LYPLA1: variants seen among roughly 807,000 people sequenced by gnomAD.
LYPLA1 encodes the protein acyl-protein thioesterase 1.
Under a neutral mutation model 34.0 loss-of-function variants are expected in LYPLA1, and 17 were observed. That is an observed-to-expected ratio of 0.50 (90% CI 0.34 to 0.75). The LOEUF (loss-of-function observed/expected upper bound fraction) is 0.75, where lower values mean the gene tolerates loss of function less well. Ranked by LOEUF, LYPLA1 falls within the 30% of genes least tolerant of loss-of-function variation. LYPLA1 has a pLI of 0.01. For synonymous variants in LYPLA1, 98 were observed against 100.8 expected (o/e 0.97, Z 0.17); for missense variants, 203 against 288.8 (o/e 0.70, Z 2.15).
rs554086191 is a variant in LYPLA1, at chr8:54,059,550, C to T, written c.286+2704G>A. Reference sequence around the variant, plus strand: ...CGATCTCCTGACCTCATGATCCACCCGCCTCGGCCTCCCAAAGTGCTGGGA... The same window carrying T: ...CGATCTCCTGACCTCATGATCCACCTGCCTCGGCCTCCCAAAGTGCTGGGA... On this transcript the variant is annotated intron_variant, in intron 5 of 8. Coordinates refer to ENST00000316963, the MANE Select transcript of LYPLA1 (RefSeq NM_006330.4). Among the ~76,000 whole-genome samples the T allele has an allele frequency of 4.1e-4, 30 of 73,232 alleles. 7 individuals are homozygous for T. The highest frequency in any genetic ancestry group is 3.5e-3 in the Admixed American group (22 of 6,242). The allele number at this position is 73,232 out of a possible 152,430, so 48.0% of individuals were successfully genotyped here.
At chr8:54,049,593 T>C (rs1158132520) in intron 8 of LYPLA1, among the ~76,000 whole-genome samples, 1 of 152,112 alleles carries the variant, frequency 6.6e-6, no homozygotes, top group Non-Finnish European at 1.5e-5. Context: ...TGAAAATGGT[T>C]TTCTCCTCTT....
chr8:54,098,294 G>A (rs983085467), intron 2 of LYPLA1, among the ~76,000 whole-genome samples: 5 of 152,086 alleles, frequency 3.3e-5, no homozygotes, highest in Non-Finnish European at 7.4e-5. Flanking sequence ...ACTAACAGAT[G>A]GTGAATGGAT....
intron 2 of LYPLA1, 140 bp from the exon 3 acceptor site, chr8:54,065,953 T>C (rs1273474249): frequency 6.2e-6 from 4 of 640,334 alleles, no homozygotes; most frequent in East Asian, 2.8e-5. Context: ...TGTTTGTTTT[T>C]TGAGATGGCG....
At chr8:54,071,066 A>G (rs1158953925) in intron 2 of LYPLA1, among the ~76,000 whole-genome samples, 2 of 152,248 alleles carry the variant, frequency 1.3e-5, no homozygotes, top group Admixed American at 6.5e-5. Flanking sequence ...GACTGGACCC[A>G]GTCATGAGGA....
At chr8:54,095,532 A>G (rs1168154944) in intron 2 of LYPLA1, among the ~76,000 whole-genome samples, 1 of 152,072 alleles carries the variant, frequency 6.6e-6, no homozygotes, top group Non-Finnish European at 1.5e-5. Flanking sequence ...TTCATATGTT[A>G]TATTTATTAT....
At position 54,101,895 on chromosome 8, in the gene LYPLA1, G is replaced by C. The variant is rs984202860; in HGVS notation, c.-72C>G. ...GGCCGCGGCCCAAGGGCGTGCGAGCGGCGAGTCCCGGCCGGCCCCACCGGG... is the reference window on the plus strand; with the variant it reads ...GGCCGCGGCCCAAGGGCGTGCGAGCCGCGAGTCCCGGCCGGCCCCACCGGG... On this transcript the variant is annotated 5_prime_UTR_variant, in exon 1 of 9. Transcript: ENST00000316963. 1.9e-5 allele frequency: 18 copies of C among 935,738 alleles called. No individual in the cohort carries two copies. The highest frequency in any genetic ancestry group is 8.6e-4 in the Middle Eastern group (2 of 2,330). 58.0% of individuals were successfully genotyped at this position (935,738 alleles called of 1,614,324 possible).
intron 2 of LYPLA1, among the ~76,000 whole-genome samples, chr8:54,085,372 A>G (rs1384822691): frequency 6.6e-6 from 1 of 152,168 alleles, no homozygotes; most frequent in African/African-American, 2.4e-5. Flanking sequence ...TTGGCCTCCC[A>G]AAGTGCCGAG....
At chr8:54,101,017 G>A in intron 1 of LYPLA1, 78 bp from the exon 2 acceptor site, 1 of 1,196,866 alleles carries the variant, frequency 8.4e-7, no homozygotes, top group South Asian at 1.3e-5. Context: ...CTTTGCTTAA[G>A]GTGGAAAACG....
At chr8:54,072,867 C>A (rs546820793) in intron 2 of LYPLA1, among the ~76,000 whole-genome samples, 2 of 149,902 alleles carry the variant, frequency 1.3e-5, no homozygotes, top group Admixed American at 1.3e-4. Flanking sequence ...GTAGTCCCAG[C>A]TACTCAGGAG....
At chr8:54,081,977 G>T (rs1044087760) in intron 2 of LYPLA1, among the ~76,000 whole-genome samples, 14 of 151,852 alleles carry the variant, frequency 9.2e-5, no homozygotes, top group African/African-American at 2.7e-4. Context: ...TGATCCGCCC[G>T]CCTCCACCTC....
chr8:54,079,166 G>T (rs1367247389), intron 2 of LYPLA1, among the ~76,000 whole-genome samples: 1 of 151,970 alleles, frequency 6.6e-6, no homozygotes. Flanking sequence ...TTTCAACAGA[G>T]ATGGGGATTC....
intron 4 of LYPLA1, among the ~76,000 whole-genome samples, chr8:54,062,652 C>T (rs947845474): frequency 6.6e-6 from 1 of 152,150 alleles, no homozygotes; most frequent in African/African-American, 2.4e-5. Flanking sequence ...GCTGGTACTA[C>T]AGGTGCATGC....
chr8:54,045,305 A>T (rs909302065), downstream of LYPLA1, among the ~76,000 whole-genome samples: 1 of 152,266 alleles, frequency 6.6e-6, no homozygotes, highest in African/African-American at 2.4e-5. Flanking sequence ...AAAATGCAGC[A>T]GTAAGAGTGG....
intron 2 of LYPLA1, chr8:54,100,536 C>T (rs10504160): frequency 0.023 from 6,005 of 258,480 alleles, 385 homozygotes; most frequent in African/African-American, 0.13. Flanking sequence ...GCCACTAGTT[C>T]TCTTATCAAA....
At chr8:54,068,823 T>G (rs191416502) in intron 2 of LYPLA1, among the ~76,000 whole-genome samples, 124 of 152,246 alleles carry the variant, frequency 8.1e-4, no homozygotes, top group African/African-American at 2.3e-3. Flanking sequence ...ATAGATAAAT[T>G]AGAAATCATC....
chr8:54,080,494 G>A lies in LYPLA1; in HGVS notation c.102-14681C>T, dbSNP rs569102189. On this transcript the variant is annotated intron_variant, in intron 2 of 8. Coordinates refer to ENST00000316963, the MANE Select transcript of LYPLA1 (RefSeq NM_006330.4). The stretch of plus-strand genomic sequence containing the variant: ...TGGCTGGCCAAGGCAGATGACAGCC[G>A]TATTCCTTTATGTTTACACTTACGA... 2.6e-4 allele frequency among the ~76,000 whole-genome samples: 40 copies of A among 152,272 alleles called. No homozygotes were observed. The South Asian group carries it at 5.0e-3, about 19-fold the overall frequency.
At chr8:54,089,631 T>C (rs549543832) in intron 2 of LYPLA1, among the ~76,000 whole-genome samples, 5 of 150,872 alleles carry the variant, frequency 3.3e-5, no homozygotes, top group African/African-American at 9.7e-5. Flanking sequence ...CCAACCTCTT[T>C]TTTTTTTTTT....
In LYPLA1 at chr8:54,047,237, G is replaced by A. The variant is rs1805537721; in HGVS notation, c.*828C>T. On this transcript the variant is annotated 3_prime_UTR_variant, in exon 9 of 9. Coordinates refer to ENST00000316963, the MANE Select transcript of LYPLA1 (RefSeq NM_006330.4). ...GGTACAGTAATTCGAAATAAGTAGT[G>A]CATGAAGTTTTAATGTCTGGTTTCT... is the stretch of plus-strand genomic sequence containing the variant. 6.6e-6 allele frequency: 1 copy of A among 152,170 alleles called. No homozygotes were observed. The highest frequency in any genetic ancestry group is 1.9e-4 in the East Asian group (1 of 5,202). The allele number at this position is 152,170 out of a possible 1,614,324, so 9.4% of individuals were successfully genotyped here. A position where few individuals can be genotyped will look rare whatever the true frequency, so the allele number is the denominator to read the frequency against.
chr8:54,060,148 G>C (rs11988830), intron 5 of LYPLA1, among the ~76,000 whole-genome samples: 19,641 of 151,730 alleles, frequency 0.13, 3,357 homozygotes, highest in African/African-American at 0.4. Context: ...TTCCTGAGAC[G>C]GAGTTTCACT....
Sources: allele counts gnomAD v4.1 joint callset (sites outside exome capture counted in the v4.1 genomes callset), GRCh38; gene constraint gnomAD v4.1.1; transcripts MANE v1.5; gene names NCBI Gene and HGNC (gene_info 2026-07-23, HGNC 2026-07-21).